Variants in BRD10 observed in about 807,000 individuals in gnomAD.
BRD10 encodes the protein bromodomain containing 10.
At chr9:5,987,481 G>A in the BRD10 span, among the ~76,000 whole-genome samples, 2 of 151,950 alleles carry the variant, frequency 1.3e-5, no homozygotes, top group Admixed American at 6.6e-5. Flanking sequence ...TCCTATAGTA[G>A]GAGTAGTTCT....
At chr9:5,977,727 C>A in the BRD10 span, among the ~76,000 whole-genome samples, 5 of 151,976 alleles carry the variant, frequency 3.3e-5, no homozygotes, top group Admixed American at 6.6e-5. Context: ...CCCAGCTACT[C>A]GGGAGGCTGA....
the BRD10 span, among the ~76,000 whole-genome samples, chr9:5,955,204 C>T: frequency 6.6e-6 from 1 of 151,936 alleles, no homozygotes; most frequent in Non-Finnish European, 1.5e-5. Flanking sequence ...TCAACAAATA[C>T]TAGATACAGG....
At chr9:5,889,738 T>A in the BRD10 span, among the ~76,000 whole-genome samples, 7 of 151,930 alleles carry the variant, frequency 4.6e-5, no homozygotes, top group African/African-American at 1.7e-4. Context: ...TGAGCTGAGA[T>A]CCTGCCACTG....
At chr9:5,893,627 G>A in the BRD10 span, among the ~76,000 whole-genome samples, 10 of 152,134 alleles carry the variant, frequency 6.6e-5, no homozygotes, top group East Asian at 1.9e-4. Context: ...CCCATTGCCC[G>A]TGCTATTAGT....
At chr9:6,006,620 T>A in the BRD10 span, among the ~76,000 whole-genome samples, 1 of 149,682 alleles carries the variant, frequency 6.7e-6, no homozygotes, top group African/African-American at 2.4e-5. Context: ...CATTCCCTAT[T>A]ATTGCAAAAA....
the BRD10 span, among the ~76,000 whole-genome samples, chr9:5,934,591 T>C: frequency 0.96 from 146,018 of 152,090 alleles, 70,386 homozygotes; most frequent in Non-Finnish European, 0.99. Flanking sequence ...GTCTTGAACT[T>C]CTGACCTCAA....
At chr9:5,949,225 G>A in the BRD10 span, among the ~76,000 whole-genome samples, 1 of 152,044 alleles carries the variant, frequency 6.6e-6, no homozygotes, top group African/African-American at 2.4e-5. Flanking sequence ...AACTAACAGA[G>A]GTAAAATGAC....
chr9:5,931,932 A>C, the BRD10 span, among the ~76,000 whole-genome samples: 1 of 152,136 alleles, frequency 6.6e-6, no homozygotes, highest in Non-Finnish European at 1.5e-5. Flanking sequence ...AATTACTTAG[A>C]GTAAAAGGGA....
the BRD10 span, among the ~76,000 whole-genome samples, chr9:5,975,114 C>G: frequency 6.6e-6 from 1 of 152,014 alleles, no homozygotes; most frequent in Non-Finnish European, 1.5e-5. Context: ...TCAATCAAAA[C>G]TGACCCAGAA....
the BRD10 span, among the ~76,000 whole-genome samples, chr9:5,987,765 G>A: frequency 6.6e-6 from 1 of 152,116 alleles, no homozygotes; most frequent in African/African-American, 2.4e-5. Flanking sequence ...TTGTTTGTTT[G>A]TTTGTCAGTA....
chr9:5,979,475 G>C, the BRD10 span, among the ~76,000 whole-genome samples: 190 of 151,278 alleles, frequency 1.3e-3, no homozygotes, highest in Non-Finnish European at 2.1e-3. Flanking sequence ...ATCACATCAT[G>C]CCAGCCTGGG....
At chr9:5,980,677 G>A in the BRD10 span, among the ~76,000 whole-genome samples, 30,475 of 151,726 alleles carry the variant, frequency 0.2, 3,237 homozygotes, top group South Asian at 0.3. Context: ...CAATGTATAT[G>A]TATATAGAGA....
the BRD10 span, among the ~76,000 whole-genome samples, chr9:5,889,022 A>T: frequency 6.6e-6 from 1 of 152,206 alleles, no homozygotes; most frequent in Non-Finnish European, 1.5e-5. Context: ...CTTGCACCGA[A>T]AAAAGGTCAT....
the BRD10 span, among the ~76,000 whole-genome samples, chr9:5,930,328 T>G: frequency 2.0e-5 from 3 of 146,934 alleles, no homozygotes; most frequent in Admixed American, 2.1e-4. Flanking sequence ...GCAAAAACTA[T>G]TACAAACATG....
At chr9:5,988,216 A>G in the BRD10 span, 3 of 651,726 alleles carry the variant, frequency 4.6e-6, no homozygotes, top group African/African-American at 3.6e-5. Flanking sequence ...TTTTATTGCG[A>G]TATTTCATTA....
At chr9:5,880,183 T>C in the BRD10 span, among the ~76,000 whole-genome samples, 1 of 151,238 alleles carries the variant, frequency 6.6e-6, no homozygotes, top group African/African-American at 2.4e-5. Context: ...CCTCCCAAAG[T>C]GCTGGGATTA....
At chr9:5,878,983 G>A in the BRD10 span, among the ~76,000 whole-genome samples, 4 of 152,304 alleles carry the variant, frequency 2.6e-5, no homozygotes, top group East Asian at 3.9e-4. Context: ...CAGAGCTCCT[G>A]CCTCTCCTGA....
the BRD10 span, among the ~76,000 whole-genome samples, chr9:5,965,077 A>G: frequency 8.6e-5 from 13 of 151,332 alleles, no homozygotes; most frequent in Non-Finnish European, 1.5e-5. Flanking sequence ...AAAAAAAGAA[A>G]AAAAAATCAC....
chr9:6,006,100 G>A, the BRD10 span, among the ~76,000 whole-genome samples: 1 of 152,154 alleles, frequency 6.6e-6, no homozygotes, highest in South Asian at 2.1e-4. Context: ...GTATAATGCC[G>A]TTTCAGATAT....
Sources: allele counts gnomAD v4.1 joint callset (sites outside exome capture counted in the v4.1 genomes callset), GRCh38; gene constraint gnomAD v4.1.1; transcripts MANE v1.5; gene names NCBI Gene and HGNC (gene_info 2026-07-23, HGNC 2026-07-21).